The following ZNF184 variants were observed in gnomAD, a reference collection of about 807,000 sequenced individuals.
The protein encoded by ZNF184 is zinc finger protein 184 (Kruppel-like).
ZNF184 carries 16 observed loss-of-function variants against 54.4 expected under a neutral mutation model. The observed-to-expected ratio is 0.29, with a 90% CI of 0.20 to 0.45. The LOEUF (loss-of-function observed/expected upper bound fraction) is 0.45, where lower values mean the gene tolerates loss of function less well. ZNF184 is among the 20% of genes least tolerant of loss of function. ZNF184 has a pLI of 1.00. For synonymous variants in ZNF184, 254 were observed against 295.3 expected, an observed-to-expected ratio of 0.86 and a Z score of 1.43; for missense variants, 681 against 888.2, an observed-to-expected ratio of 0.77 and a Z score of 2.97.
chr6:27,431,009 A>C, the ZNF184 span, among the ~76,000 whole-genome samples: 1 of 151,560 alleles, frequency 6.6e-6, no homozygotes, highest in African/African-American at 2.4e-5. Flanking sequence ...TTTAATTTTC[A>C]TTCTTGCTGG....
the ZNF184 span, among the ~76,000 whole-genome samples, chr6:27,412,765 C>T: frequency 1.3e-5 from 2 of 152,086 alleles, no homozygotes; most frequent in Non-Finnish European, 2.9e-5. Flanking sequence ...CAGGGGCTTC[C>T]AGGTCATACA....
Position 27,452,885 on chromosome 6 carries a change from T to C in ZNF184, c.674A>G (p.Asn225Ser), listed in dbSNP as rs1335911293. 1.2e-6 allele frequency: 2 copies of C among 1,614,176 alleles called. No homozygotes were observed. The highest frequency in any genetic ancestry group is 8.5e-7 in the Non-Finnish European group (1 of 1,180,012). Reference sequence around the variant, plus strand: ...ATAACTAAAGGCTTTCCCACATTCATTGCACTTACAAGATTTCTCTTTTTT... The same window carrying C: ...ATAACTAAAGGCTTTCCCACATTCACTGCACTTACAAGATTTCTCTTTTTT... ...PVKKEKSCKC[N>S]ECGKAFSYCS... The change falls in exon 6 of 6, where the codon AAT (asparagine) becomes AGT (serine). Residue 225 changes from asparagine to serine, a missense_variant. Transcript: ENST00000683788. This position sits in a 1 kb window ranked among gnomAD's most constrained non-coding sequence, Gnocchi z 5.5.
the ZNF184 span, among the ~76,000 whole-genome samples, chr6:27,442,802 G>GAAAGAAAGAGAA: frequency 3.3e-5 from 3 of 90,978 alleles, 1 homozygote; most frequent in Non-Finnish European, 2.2e-5. Flanking sequence ...AAGAAAGAAA[G>GAAAGAAAGAGAA]AGAAAGAAAG....
downstream of ZNF184, among the ~76,000 whole-genome samples, chr6:27,449,167 T>C (rs1762671209): frequency 6.6e-6 from 1 of 152,244 alleles, no homozygotes; most frequent in Admixed American, 6.5e-5. Context: ...CTGGCAGACA[T>C]GGAAAGTGCC....
At chr6:27,444,063 G>A in the ZNF184 span, among the ~76,000 whole-genome samples, 1 of 152,080 alleles carries the variant, frequency 6.6e-6, no homozygotes, top group Non-Finnish European at 1.5e-5. Flanking sequence ...GAGATAATTT[G>A]GTACTACCCT....
chr6:27,426,539 C>T, the ZNF184 span, among the ~76,000 whole-genome samples: 1 of 152,170 alleles, frequency 6.6e-6, no homozygotes, highest in African/African-American at 2.4e-5. The surrounding 1 kb of genome is among the most constrained non-coding windows in gnomAD (Gnocchi z 4.2). Context: ...CCAGAGATAC[C>T]ATTTCTTTCT....
At chr6:27,427,912 T>C in the ZNF184 span, among the ~76,000 whole-genome samples, 1 of 152,208 alleles carries the variant, frequency 6.6e-6, no homozygotes, top group Non-Finnish European at 1.5e-5. Flanking sequence ...GGTAATTACC[T>C]CACCATCTAT....
intron 3 of ZNF184, among the ~76,000 whole-genome samples, chr6:27,460,973 C>T (rs1263386710): frequency 1.3e-5 from 2 of 152,184 alleles, no homozygotes; most frequent in Non-Finnish European, 2.9e-5. Context: ...TAATTATCGA[C>T]ATAATTCTGT....
In ZNF184 at chr6:27,472,525, T is replaced by C. The variant is rs1763304064; in HGVS notation, c.-139-92A>G. 1.8e-6 allele frequency: 1 copy of C among 560,272 alleles called. No homozygotes were observed. The highest frequency in any genetic ancestry group is 2.1e-5 in the South Asian group (1 of 47,356). 34.7% of individuals were successfully genotyped at this position (560,272 alleles called of 1,614,324 possible). A position where few individuals can be genotyped will look rare whatever the true frequency, so the allele number is the denominator to read the frequency against. ...ACCAAGAGGTGCTACACAAGAGAAG[T>C]GCCCCAAGAGAGCACTAGAGAGGTG... On this transcript the variant is annotated intron_variant, in intron 1 of 5. Transcript: ENST00000683788. The surrounding 1 kb of genome is among the most constrained non-coding windows in gnomAD (Gnocchi z 4.8).
the ZNF184 span, among the ~76,000 whole-genome samples, chr6:27,417,158 C>A: frequency 6.6e-6 from 1 of 152,266 alleles, no homozygotes; most frequent in East Asian, 1.9e-4. Context: ...AAGAAAAAAA[C>A]ACTTCCAAAA....
chr6:27,472,647 G>T lies in ZNF184; in HGVS notation c.-140+82C>A. 1 of 290,788 alleles carries T rather than the reference G, an allele frequency of 3.4e-6. No homozygotes were observed. The allele number at this position is 290,788 out of a possible 1,614,324, so 18.0% of individuals were successfully genotyped here. The stretch of plus-strand genomic sequence containing the variant: ...TGGTGCCCACCCTAGAATCTGGCCG[G>T]GGCATCCACAGACCTGGTGTGTTCC... On this transcript the variant is annotated intron_variant, in intron 1 of 5. Coordinates refer to ENST00000683788, the MANE Select transcript of ZNF184 (RefSeq NM_001318891.2). The surrounding 1 kb of genome is among the most constrained non-coding windows in gnomAD (Gnocchi z 4.8).
At chr6:27,432,409 AG>A in the ZNF184 span, among the ~76,000 whole-genome samples, 3 of 152,228 alleles carry the variant, frequency 2.0e-5, no homozygotes, top group Non-Finnish European at 4.4e-5. This position sits in a 1 kb window ranked among gnomAD's most constrained non-coding sequence, Gnocchi z 4.0. Context: ...TGCAGAAAGA[AG>A]GAACAGTAAT....
the ZNF184 span, among the ~76,000 whole-genome samples, chr6:27,433,999 T>TTCC: frequency 2.8e-5 from 1 of 35,550 alleles, no homozygotes; most frequent in Non-Finnish European, 5.6e-5. Flanking sequence ...CCTTCCTCTC[T>TTCC]TTTCTTTCTT....
At chr6:27,417,508 G>A in the ZNF184 span, among the ~76,000 whole-genome samples, 1 of 152,254 alleles carries the variant, frequency 6.6e-6, no homozygotes, top group Non-Finnish European at 1.5e-5. Context: ...GAGGGAGACT[G>A]GCTTTCCACT....
intron 5 of ZNF184, 41 bp downstream of exon 5, chr6:27,456,785 T>C (rs1327931107): frequency 2.0e-6 from 3 of 1,524,434 alleles, no homozygotes; most frequent in Non-Finnish European, 2.7e-6. Context: ...AGGCTGACAG[T>C]CGGAGTTAAT....
downstream of ZNF184, among the ~76,000 whole-genome samples, chr6:27,449,202 TTA>T (rs1329791921): frequency 5.9e-5 from 9 of 152,358 alleles, no homozygotes; most frequent in East Asian, 1.7e-3. Context: ...AGGAAAATGC[TTA>T]GTCTCTATAT....
Position 27,451,643 on chromosome 6 carries a change from T to C in ZNF184, c.1916A>G (p.Glu639Gly). The change falls in exon 6 of 6, where the codon GAA becomes GGA. Residue 639 changes from glutamate (E) to glycine (G), a missense_variant. Glu to Gly is a moderately conservative substitution (Grantham distance 98, BLOSUM62 -2). Transcript: ENST00000683788. ...ACATTTATTACACTGGTAGGGTTTTTCTTCTGTGTGAGTTTTTTGATGTTG... is the reference window on the plus strand; with the variant it reads ...ACATTTATTACACTGGTAGGGTTTTCCTTCTGTGTGAGTTTTTTGATGTTG... ...LAQHQKTHTE[E>G]KPYQCNKCEK... 6.2e-7 allele frequency: 1 copy of C among 1,614,164 alleles called. No homozygotes were observed. Among genetic ancestry groups the C allele is most frequent in the Non-Finnish European group, 8.5e-7 (1 of 1,179,998 alleles).
chr6:27,409,359 C>T, the ZNF184 span, among the ~76,000 whole-genome samples: 3 of 151,460 alleles, frequency 2.0e-5, no homozygotes, highest in African/African-American at 4.9e-5. Context: ...ATTAGCCGGG[C>T]GTGGTGGCGG....
At chr6:27,425,044 T>C in the ZNF184 span, among the ~76,000 whole-genome samples, 3 of 152,186 alleles carry the variant, frequency 2.0e-5, no homozygotes, top group Non-Finnish European at 4.4e-5. Context: ...GGGGACCCAG[T>C]ACACCCTCCG....
Sources: gnomAD v4.1 joint callset for allele counts (sites outside exome capture counted in the v4.1 genomes callset) on GRCh38, gnomAD v4.1.1 for gene constraint, Gnocchi (gnomAD v3.1) non-coding constraint, MANE v1.5 for transcripts, NCBI Gene and HGNC (gene_info 2026-07-23, HGNC 2026-07-21) for gene names.